The following CLASP2 variants were observed in gnomAD, a reference collection of about 807,000 sequenced individuals.
CLASP2 encodes CLIP-associating protein 2.
CLASP2 carries 47 observed loss-of-function variants against 194.4 expected under a neutral mutation model. The observed-to-expected ratio is 0.24, with a 90% CI of 0.19 to 0.31. CLASP2 has a LOEUF of 0.31. CLASP2 is among the 10% of genes least tolerant of loss of function. The pLI, the probability that CLASP2 is intolerant of heterozygous loss-of-function variation, is 1.00. For missense variants in CLASP2, 1,445 were observed against 1,823.6 expected, an observed-to-expected ratio of 0.79 and a Z score of 3.78; for synonymous variants, 619 against 633.5, an observed-to-expected ratio of 0.98 and a Z score of 0.34.
chr3:33,629,419 C>G (rs558282178), intron 9 of CLASP2, among the ~76,000 whole-genome samples: 6 of 152,208 alleles, frequency 3.9e-5, no homozygotes, highest in Admixed American at 3.9e-4. Flanking sequence ...AAGGAATGCA[C>G]AGCAGAGAAG....
intron 8 of CLASP2, among the ~76,000 whole-genome samples, chr3:33,633,421 A>G (rs1309045495): frequency 6.6e-6 from 1 of 152,228 alleles, no homozygotes; most frequent in Non-Finnish European, 1.5e-5. Flanking sequence ...AGTGTTAAGC[A>G]GGAATAAATC....
chr3:33,598,575 G>A (rs1314926634), intron 18 of CLASP2, among the ~76,000 whole-genome samples: 1 of 152,028 alleles, frequency 6.6e-6, no homozygotes, highest in Non-Finnish European at 1.5e-5. Context: ...CTACTGACTT[G>A]CCACCTTAGG....
intron 25 of CLASP2, among the ~76,000 whole-genome samples, chr3:33,571,578 T>C (rs1359535896): frequency 2.0e-5 from 3 of 151,166 alleles, no homozygotes; most frequent in Admixed American, 6.6e-5. Flanking sequence ...GAGGTTGCAC[T>C]GAGCTGAGAT....
intron 10 of CLASP2, among the ~76,000 whole-genome samples, chr3:33,624,427 G>A (rs1455365548): frequency 6.6e-6 from 1 of 151,982 alleles, no homozygotes; most frequent in African/African-American, 2.4e-5. Context: ...TCACAATATG[G>A]TAGGATAAAA....
intron 27 of CLASP2, among the ~76,000 whole-genome samples, chr3:33,564,124 C>A (rs113567034): frequency 2.6e-5 from 4 of 152,144 alleles, no homozygotes; most frequent in Admixed American, 6.5e-5. Flanking sequence ...CTAACACATA[C>A]CATTTGAAAA....
intron 27 of CLASP2, 52 bp from the exon 28 acceptor site, chr3:33,561,023 C>A (rs2061711520): frequency 6.7e-7 from 1 of 1,496,872 alleles, no homozygotes; most frequent in Non-Finnish European, 9.2e-7. Flanking sequence ...AAATATTGAC[C>A]TCTATGTTCA....
chr3:33,584,726 A>T (rs536483600), intron 22 of CLASP2, 24 bp downstream of exon 22: 94 of 1,523,816 alleles, frequency 6.2e-5, no homozygotes, highest in Admixed American at 2.5e-4. Context: ...CATGTCTCAC[A>T]TAAAAAAAAA....
In CLASP2 at chr3:33,668,303, T is replaced by C. The variant is rs188867614; in HGVS notation, c.645-4788A>G. On this transcript the variant is annotated intron_variant, in intron 6 of 38. Coordinates refer to ENST00000682230, the MANE Select transcript of CLASP2 (RefSeq NM_001365631.1). ...GTTTAGTTGTTTTAACAAAGAAGAA[T>C]GGTTCTGATATAAATTTAAGAGTGG... is the stretch of plus-strand genomic sequence containing the variant. 2.2e-3 allele frequency among the ~76,000 whole-genome samples: 339 copies of C among 152,342 alleles called. 5 individuals are homozygous for C. The highest frequency in any genetic ancestry group is 7.9e-3 in the African/African-American group (327 of 41,580).
intron 2 of CLASP2, among the ~76,000 whole-genome samples, chr3:33,696,353 C>CTTTTTT (rs962854814): frequency 1.7e-3 from 92 of 52,732 alleles, no homozygotes; most frequent in South Asian, 3.5e-3. Flanking sequence ...TTCTTTCTTT[C>CTTTTTT]TTTTTTTTTT....
intron 36 of CLASP2, chr3:33,514,662 C>T: frequency 3.0e-6 from 1 of 333,214 alleles, no homozygotes; most frequent in South Asian, 2.6e-5. Flanking sequence ...TCCAGCAATC[C>T]CACTATTGGG....
chr3:33,508,156 C>T lies in CLASP2; in HGVS notation c.4317+2402G>A, dbSNP rs116217374. Among the ~76,000 whole-genome samples, 1,447 of 151,986 alleles carry T rather than the reference C, an allele frequency of 9.5e-3. 15 individuals carry two copies. Among genetic ancestry groups the T allele is most frequent in the Non-Finnish European group, 0.016 (1,115 of 67,962 alleles). On this transcript the variant is annotated intron_variant, in intron 37 of 38. Transcript: ENST00000682230. ...ACCATAGGCATGCCACTGTGAGCCACCAACCCAGGTAAGAAAACCTGGCTA... is the reference window on the plus strand; with the variant it reads ...ACCATAGGCATGCCACTGTGAGCCATCAACCCAGGTAAGAAAACCTGGCTA...
intron 7 of CLASP2, among the ~76,000 whole-genome samples, chr3:33,650,400 A>T (rs1335774400): frequency 6.6e-6 from 1 of 152,246 alleles, no homozygotes; most frequent in African/African-American, 2.4e-5. Context: ...TGACATTGGC[A>T]CTTTTGTTCT....
intron 12 of CLASP2, among the ~76,000 whole-genome samples, chr3:33,618,346 A>C (rs951256135): frequency 6.6e-6 from 1 of 152,144 alleles, no homozygotes; most frequent in South Asian, 2.1e-4. Context: ...AAGTACATGA[A>C]GTTTAAAAAG....
At chr3:33,517,293 CAAAG>C (rs2051590967) in intron 34 of CLASP2, 119 bp from the exon 35 acceptor site, 1 of 785,468 alleles carries the variant, frequency 1.3e-6, no homozygotes, top group Non-Finnish European at 1.9e-6. Context: ...GTAAAAAAGA[CAAAG>C]AAAAAAGACA....
rs114339120 is a variant in CLASP2 at position 33,630,202 on chromosome 3, T to C, written c.942+2090A>G. 4.6e-3 allele frequency among the ~76,000 whole-genome samples: 699 copies of C among 152,306 alleles called. 8 individuals carry two copies. Among genetic ancestry groups the C allele is most frequent in the African/African-American group, 0.015 (626 of 41,568 alleles). On this transcript the variant is annotated intron_variant, in intron 9 of 38. Coordinates refer to ENST00000682230, the MANE Select transcript of CLASP2 (RefSeq NM_001365631.1). ...TTTAGGAAAATAATAATAGCTAACA[T>C]ATACTTCTTACACTTCATCTGTACT...
chr3:33,630,310 T>C (rs549222241), intron 9 of CLASP2, among the ~76,000 whole-genome samples: 2 of 152,338 alleles, frequency 1.3e-5, no homozygotes, highest in South Asian at 2.1e-4. Flanking sequence ...GAGGGTTAAG[T>C]AATGTACCTA....
intron 36 of CLASP2, among the ~76,000 whole-genome samples, chr3:33,512,817 GT>G (rs1243295404): frequency 2.0e-5 from 3 of 151,654 alleles, no homozygotes; most frequent in Non-Finnish European, 2.9e-5. Context: ...GTGAAACCCT[GT>G]CTCCACTAAA....
At chr3:33,598,954 A>T (rs1351874423) in intron 18 of CLASP2, among the ~76,000 whole-genome samples, 9 of 152,330 alleles carry the variant, frequency 5.9e-5, no homozygotes, top group African/African-American at 1.9e-4. Context: ...TGCTGCCAAA[A>T]AATTCAGTAC....
At chr3:33,615,988 T>A (rs1215186388) in intron 12 of CLASP2, among the ~76,000 whole-genome samples, 1 of 150,928 alleles carries the variant, frequency 6.6e-6, no homozygotes, top group Non-Finnish European at 1.5e-5. Flanking sequence ...CAGTGCAAAT[T>A]GTCTAAAGAT....
Sources: gnomAD v4.1 joint callset for allele counts (sites outside exome capture counted in the v4.1 genomes callset) on GRCh38, gnomAD v4.1.1 for gene constraint, MANE v1.5 for transcripts, NCBI Gene and HGNC (gene_info 2026-07-23, HGNC 2026-07-21) for gene names.